DSCAML1: variants seen among roughly 807,000 people sequenced by gnomAD.
DSCAML1 encodes cell adhesion molecule DSCAML1.
DSCAML1 carries 38 observed loss-of-function variants against 200.5 expected under a neutral mutation model. The ratio of observed to expected loss-of-function variants is 0.19; its 90% CI spans 0.15 to 0.25. The LOEUF is 0.25. Ranked by LOEUF, DSCAML1 falls within the 10% of genes least tolerant of loss-of-function variation. The pLI is 1.00. For missense variants in DSCAML1, 2,223 were observed against 2,858.8 expected (o/e 0.78, Z 5.07); for synonymous variants, 1,215 against 1,165.0 (o/e 1.04, Z -0.87).
intron 3 of DSCAML1, among the ~76,000 whole-genome samples, chr11:117,651,768 C>A (rs2052638638): frequency 6.7e-6 from 1 of 149,332 alleles, no homozygotes; most frequent in African/African-American, 2.5e-5. Flanking sequence ...AATTTGTTGT[C>A]CTTCAGAGTT....
chr11:117,625,065 C>A (rs896228387), intron 3 of DSCAML1, among the ~76,000 whole-genome samples: 1 of 152,068 alleles, frequency 6.6e-6, no homozygotes, highest in Non-Finnish European at 1.5e-5. Flanking sequence ...GTGATTCCAA[C>A]GTGTGGTCAG....
At chr11:117,472,953 C>T (rs962253124) in intron 14 of DSCAML1, among the ~76,000 whole-genome samples, 2 of 152,114 alleles carry the variant, frequency 1.3e-5, no homozygotes, top group African/African-American at 2.4e-5. Context: ...GTTTTGGCAC[C>T]TTACTTGGAA....
intron 3 of DSCAML1, among the ~76,000 whole-genome samples, chr11:117,732,374 G>A (rs978040471): frequency 6.6e-6 from 1 of 152,168 alleles, no homozygotes; most frequent in African/African-American, 2.4e-5. Flanking sequence ...CTGGTTCTAA[G>A]GACCCTGCTC....
At chr11:117,698,061 C>T (rs2053614205) in intron 3 of DSCAML1, among the ~76,000 whole-genome samples, 1 of 152,218 alleles carries the variant, frequency 6.6e-6, no homozygotes, top group South Asian at 2.1e-4. Context: ...TGAGCCACTG[C>T]ACCCAGCCAG....
chr11:117,536,331 C>T (rs536597939), intron 3 of DSCAML1, among the ~76,000 whole-genome samples: 3 of 152,204 alleles, frequency 2.0e-5, no homozygotes, highest in Non-Finnish European at 4.4e-5. Flanking sequence ...GGTTGGACAA[C>T]ATGGCTGGCC....
At chr11:117,536,662 C>A (rs1032702614) in intron 3 of DSCAML1, among the ~76,000 whole-genome samples, 2 of 152,158 alleles carry the variant, frequency 1.3e-5, no homozygotes, top group African/African-American at 4.8e-5. Flanking sequence ...GGTGCCATTC[C>A]TTTAGGCTGT....
intron 21 of DSCAML1, among the ~76,000 whole-genome samples, chr11:117,440,724 C>G (rs913617874): frequency 1.3e-5 from 2 of 152,066 alleles, no homozygotes; most frequent in Non-Finnish European, 2.9e-5. Flanking sequence ...TCAAGACCAG[C>G]CTGGCCAACA....
intron 11 of DSCAML1, among the ~76,000 whole-genome samples, chr11:117,500,123 C>A (rs537666855): frequency 5.3e-5 from 8 of 152,246 alleles, no homozygotes; most frequent in African/African-American, 1.4e-4. Context: ...CCTGGAAGGG[C>A]GTGAACTTCA....
At position 117,540,153 on chromosome 11, in the gene DSCAML1, C is replaced by T. The variant is rs1354328912; in HGVS notation, c.512-7631G>A. 2.0e-5 allele frequency among the ~76,000 whole-genome samples: 3 copies of T among 152,126 alleles called. No homozygotes were observed. The East Asian group carries it at 5.8e-4, about 29-fold the overall frequency. ...AGGGAAAAGGGGGAGTTGTTTAATG[C>T]AGGGGTTCCCAACCTTGGGGCCGTG... On this transcript the variant is annotated intron_variant, in intron 3 of 32. Coordinates refer to ENST00000651296, the MANE Select transcript of DSCAML1 (RefSeq NM_020693.4).
At chr11:117,610,848 C>T (rs1050629183) in intron 3 of DSCAML1, among the ~76,000 whole-genome samples, 3 of 148,952 alleles carry the variant, frequency 2.0e-5, no homozygotes, top group Admixed American at 6.7e-5. Context: ...CAACCCCCCC[C>T]CCCCACAATG....
At chr11:117,796,953 CG>C (rs145539778) in intron 1 of DSCAML1, 80 bp downstream of exon 1, 11,391 of 1,119,020 alleles carry the variant, frequency 0.01, 382 homozygotes, top group African/African-American at 0.1. Flanking sequence ...ACCTGGAGCC[CG>C]CCGGGCACCC....
chr11:117,536,238 C>A (rs1190165330), intron 3 of DSCAML1, among the ~76,000 whole-genome samples: 2 of 152,162 alleles, frequency 1.3e-5, no homozygotes, highest in African/African-American at 4.8e-5. Context: ...AAGGAAGGAG[C>A]AAGAGGCATG....
At chr11:117,486,920 T>C (rs1288682278) in intron 11 of DSCAML1, among the ~76,000 whole-genome samples, 11 of 84,032 alleles carry the variant, frequency 1.3e-4, no homozygotes, top group African/African-American at 2.4e-4. Context: ...CCTTTTTTTT[T>C]TTTTTTTTTT....
chr11:117,569,067 A>G (rs933158778), intron 3 of DSCAML1, among the ~76,000 whole-genome samples: 1 of 152,182 alleles, frequency 6.6e-6, no homozygotes, highest in Non-Finnish European at 1.5e-5. Context: ...ATAACGCCGC[A>G]TATCTACAAC....
intron 3 of DSCAML1, among the ~76,000 whole-genome samples, chr11:117,699,081 C>A (rs746062589): frequency 2.6e-5 from 4 of 152,218 alleles, no homozygotes; most frequent in Non-Finnish European, 4.4e-5. Context: ...GCCTGGGTTA[C>A]ATCCCTCCAG....
intron 3 of DSCAML1, among the ~76,000 whole-genome samples, chr11:117,595,653 TC>T (rs558438749): frequency 2.8e-4 from 42 of 152,300 alleles, no homozygotes; most frequent in African/African-American, 9.9e-4. Flanking sequence ...TGAGCGCCTC[TC>T]CCTGGTGATG....
At chr11:117,440,041 C>T (rs1250485985) in intron 21 of DSCAML1, 105 bp from the exon 22 acceptor site, 16 of 960,356 alleles carry the variant, frequency 1.7e-5, no homozygotes, top group Non-Finnish European at 2.1e-5. Context: ...CCTCCCTCCC[C>T]GATCTGACCT....
chr11:117,544,812 C>T (rs1467159649), intron 3 of DSCAML1, among the ~76,000 whole-genome samples: 9 of 152,248 alleles, frequency 5.9e-5, no homozygotes, highest in Admixed American at 3.3e-4. Flanking sequence ...TGAATTGTTT[C>T]CCCCAACATG....
intron 3 of DSCAML1, among the ~76,000 whole-genome samples, chr11:117,603,048 A>T (rs1295851469): frequency 6.6e-6 from 1 of 152,166 alleles, no homozygotes; most frequent in Non-Finnish European, 1.5e-5. Flanking sequence ...GTGAGCCATG[A>T]TTGCATCGCT....
Sources: allele counts gnomAD v4.1 joint callset (sites outside exome capture counted in the v4.1 genomes callset), GRCh38; gene constraint gnomAD v4.1.1; transcripts MANE v1.5; gene names NCBI Gene and HGNC (gene_info 2026-07-23, HGNC 2026-07-21).